Variants in ETF1 observed in about 807,000 individuals in gnomAD.
ETF1 encodes eukaryotic peptide chain release factor subunit 1.
In ETF1, 4 loss-of-function variants were observed where a neutral mutation model predicts 55.1. That is an observed-to-expected ratio of 0.07 (90% confidence interval 0.04 to 0.17). ETF1 has a LOEUF of 0.17. Ranked by LOEUF, ETF1 falls within the 10% of genes least tolerant of loss-of-function variation. The pLI is 1.00. For missense variants in ETF1, 142 were observed against 523.6 expected (o/e 0.27, Z 7.11); for synonymous variants, 157 against 182.3 (o/e 0.86, Z 1.12).
At chr5:138,524,572 C>T (rs965103347) in intron 2 of ETF1, among the ~76,000 whole-genome samples, 16 of 145,842 alleles carry the variant, frequency 1.1e-4, no homozygotes, top group Middle Eastern at 7.1e-3. Context: ...AAAAAAATTT[C>T]TTTCCGTTTT....
chr5:138,532,717 A>G (rs939800226), intron 2 of ETF1, among the ~76,000 whole-genome samples: 2 of 152,240 alleles, frequency 1.3e-5, no homozygotes, highest in East Asian at 3.8e-4. Context: ...ACAGAACAAA[A>G]GAGCTATACC....
chr5:138,539,749 C>T (rs1159859000), intron 2 of ETF1, among the ~76,000 whole-genome samples: 1 of 152,158 alleles, frequency 6.6e-6, no homozygotes, highest in Admixed American at 6.5e-5. Context: ...CTTCTACACA[C>T]GTGTAACATA....
At chr5:138,542,771 G>C in intron 2 of ETF1, 62 bp downstream of exon 2, 3 of 1,593,276 alleles carry the variant, frequency 1.9e-6, no homozygotes, top group Non-Finnish European at 2.6e-6. Context: ...CGGCGCGGGG[G>C]CGTCCATCCT....
intron 2 of ETF1, 66 bp from the exon 3 acceptor site, chr5:138,518,933 G>A (rs1765126692): frequency 6.3e-7 from 1 of 1,586,452 alleles, no homozygotes; most frequent in Non-Finnish European, 8.6e-7. Context: ...GTTTCTCTCT[G>A]GTAAAAGCAA....
chr5:138,511,219 C>G lies in ETF1; in HGVS notation c.863-19G>C, dbSNP rs764115056. The G allele has an allele frequency of 4.3e-6, 7 of 1,612,970 alleles. No homozygotes were observed. In the East Asian group the frequency reaches 1.6e-4, roughly 36 times the overall value. ...TATCGTCCTACGATTAGGGATCAGTCAACAGGATATATATTAAAGTTTCCC... is the reference window on the plus strand; with the variant it reads ...TATCGTCCTACGATTAGGGATCAGTGAACAGGATATATATTAAAGTTTCCC... On this transcript the variant is annotated intron_variant, in intron 7 of 10. Transcript: ENST00000360541.
chr5:138,526,480 G>T (rs768982543), intron 2 of ETF1, among the ~76,000 whole-genome samples: 5 of 152,144 alleles, frequency 3.3e-5, no homozygotes, highest in Non-Finnish European at 7.4e-5. Flanking sequence ...TGCCCTGGAA[G>T]TTTTCTCCTA....
At chr5:138,521,898 T>C (rs1324206010) in intron 2 of ETF1, among the ~76,000 whole-genome samples, 3 of 152,202 alleles carry the variant, frequency 2.0e-5, no homozygotes, top group East Asian at 3.9e-4. Context: ...TTTTTGCAGA[T>C]GAAAATCACC....
intron 2 of ETF1, among the ~76,000 whole-genome samples, chr5:138,536,081 G>A (rs1017844015): frequency 1.3e-5 from 2 of 152,036 alleles, no homozygotes; most frequent in Non-Finnish European, 2.9e-5. Context: ...CAGATGTTTG[G>A]TGAAGCCCAT....
intron 2 of ETF1, among the ~76,000 whole-genome samples, chr5:138,530,158 A>C (rs540588784): frequency 2.0e-5 from 3 of 152,004 alleles, no homozygotes; most frequent in Non-Finnish European, 4.4e-5. Context: ...AGCAAAATAA[A>C]AGAATACATG....
intron 2 of ETF1, among the ~76,000 whole-genome samples, chr5:138,537,053 G>A (rs1765966460): frequency 1.3e-5 from 2 of 152,182 alleles, no homozygotes; most frequent in African/African-American, 4.8e-5. Flanking sequence ...TTCAAAGGGA[G>A]TAATTGTTCA....
intron 2 of ETF1, among the ~76,000 whole-genome samples, chr5:138,522,673 A>G (rs1765281964): frequency 1.3e-5 from 2 of 152,222 alleles, no homozygotes; most frequent in South Asian, 4.1e-4. Flanking sequence ...CATATGCTAA[A>G]AACTATTCAG....
At chr5:138,520,168 G>A (rs893106444) in intron 2 of ETF1, among the ~76,000 whole-genome samples, 1 of 145,190 alleles carries the variant, frequency 6.9e-6, no homozygotes, top group Non-Finnish European at 1.5e-5. Context: ...TTTTTTGAAA[G>A]CATAAACAAG....
At chr5:138,518,645 C>T in intron 3 of ETF1, 47 bp downstream of exon 3, 1 of 1,556,130 alleles carries the variant, frequency 6.4e-7, no homozygotes, top group Non-Finnish European at 8.8e-7. Flanking sequence ...CAGTATAAAA[C>T]ATAACCAAAA....
chr5:138,512,298 T>G (rs1229321910), intron 6 of ETF1, among the ~76,000 whole-genome samples: 3 of 128,928 alleles, frequency 2.3e-5, no homozygotes, highest in Non-Finnish European at 4.7e-5. Flanking sequence ...TGGTGGACCT[T>G]CTACCATAAG....
In ETF1 at chr5:138,508,385, T is replaced by C. The variant is rs757479024; in HGVS notation, c.1234A>G (p.Ile412Val). 3.1e-6 allele frequency: 5 copies of C among 1,613,758 alleles called. No homozygotes were observed. The highest frequency in any genetic ancestry group is 2.2e-5 in the South Asian group (2 of 91,038). Residue 412 changes from isoleucine to valine, a missense_variant and splice_region_variant, in exon 11 of 11, where the codon ATC (isoleucine) becomes GTC (valine). By Grantham distance (29) the Ile-to-Val change is conservative. Coordinates refer to ENST00000360541, the MANE Select transcript of ETF1 (RefSeq NM_004730.4). ...FVKGFGGIGG[I>V]LRYRVDFQGM... Reference sequence around the variant, plus strand: ...TGGAAATCTACTCGGTACCGCAAGATACCTGGGGAAACAAACCAAAAGGTA... The same window carrying C: ...TGGAAATCTACTCGGTACCGCAAGACACCTGGGGAAACAAACCAAAAGGTA...
At chr5:138,534,965 CTTTTT>C (rs70982719) in intron 2 of ETF1, among the ~76,000 whole-genome samples, 2 of 126,352 alleles carry the variant, frequency 1.6e-5, no homozygotes, top group Non-Finnish European at 1.6e-5. Context: ...AAACTAGTTT[CTTTTT>C]TTTTTTTTTT....
At chr5:138,531,447 AC>A (rs962762554) in intron 2 of ETF1, among the ~76,000 whole-genome samples, 27 of 152,114 alleles carry the variant, frequency 1.8e-4, no homozygotes, top group African/African-American at 6.5e-4. Context: ...CTATAATACA[AC>A]CATAATGAAT....
At chr5:138,537,415 T>G (rs867594182) in intron 2 of ETF1, among the ~76,000 whole-genome samples, 26 of 152,340 alleles carry the variant, frequency 1.7e-4, no homozygotes, top group African/African-American at 5.8e-4. Context: ...CCATATTATC[T>G]CAACTGTTAC....
chr5:138,535,446 G>A (rs907150611), intron 2 of ETF1, among the ~76,000 whole-genome samples: 2 of 151,554 alleles, frequency 1.3e-5, no homozygotes, highest in Non-Finnish European at 2.9e-5. Flanking sequence ...TCGGCCAGGC[G>A]CGGTGGCTCA....
Sources: allele counts gnomAD v4.1 joint callset (sites outside exome capture counted in the v4.1 genomes callset), GRCh38; gene constraint gnomAD v4.1.1; transcripts MANE v1.5; gene names NCBI Gene and HGNC (gene_info 2026-07-23, HGNC 2026-07-21).